The following RHBDD1 variants were observed in gnomAD, a reference collection of about 807,000 sequenced individuals.
RHBDD1 encodes the protein rhomboid-related protein 4.
In RHBDD1, 38 loss-of-function variants were observed where a neutral mutation model predicts 36.3. That is an observed-to-expected ratio of 1.05 (90% CI 0.81 to 1.37). The LOEUF (loss-of-function observed/expected upper bound fraction) is 1.37. RHBDD1 is among the 40% of genes most tolerant of loss of function. The pLI is 0.00. For missense variants in RHBDD1, 393 were observed against 377.6 expected (o/e 1.04, Z -0.34); for synonymous variants, 151 against 136.5 (o/e 1.11, Z -0.74).
At chr2:226,908,593 AC>A (rs1948247339) in intron 6 of RHBDD1, 15 of 486,264 alleles carry the variant, frequency 3.1e-5, no homozygotes, top group Non-Finnish European at 5.4e-5. Flanking sequence ...ACACACACAC[AC>A]ACACACACAC....
intron 5 of RHBDD1, among the ~76,000 whole-genome samples, chr2:226,875,582 G>C (rs1945162615): frequency 6.6e-6 from 1 of 152,092 alleles, no homozygotes; most frequent in South Asian, 2.1e-4. Flanking sequence ...TAAAAATAGA[G>C]GAACAGAAAA....
intron 5 of RHBDD1, among the ~76,000 whole-genome samples, chr2:226,904,835 G>A (rs947371988): frequency 2.0e-5 from 3 of 152,164 alleles, no homozygotes; most frequent in African/African-American, 7.2e-5. Context: ...TCTGAGTCTC[G>A]TGTAGGTTAC....
chr2:226,912,514 T>C (rs1289141386), intron 7 of RHBDD1, among the ~76,000 whole-genome samples: 1 of 152,138 alleles, frequency 6.6e-6, no homozygotes, highest in African/African-American at 2.4e-5. Flanking sequence ...AGTGGAATAT[T>C]ATTTGCCCAT....
At chr2:226,920,989 G>A (rs545651120) in intron 8 of RHBDD1, among the ~76,000 whole-genome samples, 98 of 152,136 alleles carry the variant, frequency 6.4e-4, no homozygotes, top group African/African-American at 2.2e-3. Context: ...ATTGGGTCCA[G>A]GGTTTTTCTT....
chr2:226,818,979 G>T, the RHBDD1 span, among the ~76,000 whole-genome samples: 1 of 152,186 alleles, frequency 6.6e-6, no homozygotes, highest in Non-Finnish European at 1.5e-5. Flanking sequence ...ATAGTCCCAT[G>T]ACTCCAGATC....
chr2:226,837,074 G>A (rs550082523), intron 1 of RHBDD1, among the ~76,000 whole-genome samples: 1 of 152,140 alleles, frequency 6.6e-6, no homozygotes, highest in Non-Finnish European at 1.5e-5. Context: ...GCACCTGGAC[G>A]CTAAAGTTTG....
At chr2:226,995,164 C>T (rs1959114413) in intron 8 of RHBDD1, among the ~76,000 whole-genome samples, 6 of 151,590 alleles carry the variant, frequency 4.0e-5, no homozygotes, top group Admixed American at 3.9e-4. Flanking sequence ...TTATGGAGCA[C>T]GATGGAAGGA....
the RHBDD1 span, among the ~76,000 whole-genome samples, chr2:226,815,739 G>A: frequency 1.3e-5 from 2 of 152,102 alleles, no homozygotes; most frequent in Non-Finnish European, 2.9e-5. Flanking sequence ...TTTGAAGAGT[G>A]GCCACTATAT....
chr2:226,871,917 G>A (rs947872972), intron 5 of RHBDD1, among the ~76,000 whole-genome samples: 2 of 152,188 alleles, frequency 1.3e-5, no homozygotes, highest in Non-Finnish European at 2.9e-5. Flanking sequence ...TTTGGAATTA[G>A]CAAGTACTAT....
chr2:226,966,423 C>T (rs981733618), intron 8 of RHBDD1, among the ~76,000 whole-genome samples: 2 of 152,192 alleles, frequency 1.3e-5, no homozygotes, highest in African/African-American at 4.8e-5. Context: ...CAGTAACGGA[C>T]ATGCTTCGTG....
intron 8 of RHBDD1, among the ~76,000 whole-genome samples, chr2:226,938,154 A>G (rs1011762134): frequency 6.6e-6 from 1 of 152,108 alleles, no homozygotes; most frequent in African/African-American, 2.4e-5. Flanking sequence ...GTGAGATGGT[A>G]TCTCGTGGTT....
At chr2:226,906,566 G>C in intron 5 of RHBDD1, 1 of 888,064 alleles carries the variant, frequency 1.1e-6, no homozygotes, top group Non-Finnish European at 1.7e-6. Context: ...TGGTTAAGGA[G>C]GGGTGTTGCG....
chr2:226,853,886 C>G (rs961181499), intron 3 of RHBDD1, among the ~76,000 whole-genome samples: 14 of 152,200 alleles, frequency 9.2e-5, no homozygotes, highest in Non-Finnish European at 1.9e-4. Flanking sequence ...GTGGGCAACT[C>G]TACGGAGTGT....
chr2:226,851,724 G>GT (rs1942835171), intron 3 of RHBDD1, among the ~76,000 whole-genome samples: 1 of 152,256 alleles, frequency 6.6e-6, no homozygotes, highest in African/African-American at 2.4e-5. Context: ...GTGTAATTTA[G>GT]TTAAACTGAC....
At chr2:226,887,570 A>G (rs1471842082) in intron 5 of RHBDD1, among the ~76,000 whole-genome samples, 4 of 152,250 alleles carry the variant, frequency 2.6e-5, no homozygotes, top group Admixed American at 6.5e-5. Context: ...AGTTTTGTGA[A>G]GTGTGATGCA....
chr2:226,917,058 G>A (rs1482695339), intron 8 of RHBDD1, among the ~76,000 whole-genome samples: 1 of 151,964 alleles, frequency 6.6e-6, no homozygotes, highest in Admixed American at 6.6e-5. Flanking sequence ...AAGAAAGTTG[G>A]AGTAGATTTT....
At chr2:226,951,720 GAATA>G (rs1951436913) in intron 8 of RHBDD1, among the ~76,000 whole-genome samples, 1 of 152,268 alleles carries the variant, frequency 6.6e-6, no homozygotes, top group South Asian at 2.1e-4. Context: ...ATGATGTTAA[GAATA>G]AATAAAGGAG....
At chr2:226,856,037 C>G (rs1203409489) in intron 3 of RHBDD1, among the ~76,000 whole-genome samples, 1 of 152,166 alleles carries the variant, frequency 6.6e-6, no homozygotes, top group Non-Finnish European at 1.5e-5. Context: ...AACTAGTCAT[C>G]AAATAATTAT....
At chr2:226,991,596 A>G (rs1958230780) in intron 8 of RHBDD1, among the ~76,000 whole-genome samples, 1 of 152,222 alleles carries the variant, frequency 6.6e-6, no homozygotes, top group South Asian at 2.1e-4. Flanking sequence ...TTCAGCAGGC[A>G]TTTACTGTCA....
Sources: gnomAD v4.1 joint callset for allele counts (sites outside exome capture counted in the v4.1 genomes callset) on GRCh38, gnomAD v4.1.1 for gene constraint, MANE v1.5 for transcripts, NCBI Gene and HGNC (gene_info 2026-07-23, HGNC 2026-07-21) for gene names.